CDH10: variants seen among roughly 807,000 people sequenced by gnomAD.
The protein encoded by CDH10 is cadherin-10.
CDH10 carries 30 observed loss-of-function variants against 73.1 expected under a neutral mutation model. That is an observed-to-expected ratio of 0.41 (90% CI 0.31 to 0.56). The LOEUF (loss-of-function observed/expected upper bound fraction) is 0.56. CDH10 is among the 20% of genes least tolerant of loss of function. CDH10 has a pLI of 0.27. For synonymous variants in CDH10, 345 were observed against 348.2 expected (o/e 0.99, Z 0.10); for missense variants, 815 against 973.7 (o/e 0.84, Z 2.17).
At chr5:24,643,296 T>A (rs1748116531) in intron 1 of CDH10, among the ~76,000 whole-genome samples, 1 of 152,114 alleles carries the variant, frequency 6.6e-6, no homozygotes, top group Non-Finnish European at 1.5e-5. Context: ...GCTCTGTCAA[T>A]GACATAATGT....
chr5:24,552,525 C>T (rs1744583814), intron 2 of CDH10, among the ~76,000 whole-genome samples: 1 of 151,838 alleles, frequency 6.6e-6, no homozygotes, highest in Non-Finnish European at 1.5e-5. Flanking sequence ...TATTGCTAAT[C>T]TTCTTTTTCT....
chr5:24,602,207 A>T (rs984728705), intron 1 of CDH10, among the ~76,000 whole-genome samples: 3 of 152,166 alleles, frequency 2.0e-5, no homozygotes, highest in African/African-American at 7.2e-5. Flanking sequence ...AAGCTTTCAG[A>T]CATTACAAGA....
At chr5:24,492,603 A>G (rs949560883) in intron 10 of CDH10, among the ~76,000 whole-genome samples, 2 of 152,194 alleles carry the variant, frequency 1.3e-5, no homozygotes, top group African/African-American at 4.8e-5. Flanking sequence ...TAACATCCAT[A>G]AAGAGACCTC....
intron 1 of CDH10, among the ~76,000 whole-genome samples, chr5:24,622,895 A>C (rs1747364429): frequency 6.6e-6 from 1 of 152,198 alleles, no homozygotes; most frequent in Admixed American, 6.5e-5. Context: ...GTTAGAAATT[A>C]TTTAATTTAA....
At chr5:24,616,343 T>C (rs773877017) in intron 1 of CDH10, among the ~76,000 whole-genome samples, 7 of 152,170 alleles carry the variant, frequency 4.6e-5, no homozygotes, top group Non-Finnish European at 8.8e-5. Context: ...ATTTGGATTA[T>C]GGTTAACACT....
chr5:24,607,008 C>A (rs192959519), intron 1 of CDH10, among the ~76,000 whole-genome samples: 90 of 152,256 alleles, frequency 5.9e-4, no homozygotes, highest in African/African-American at 2.1e-3. Context: ...ACACCTAACA[C>A]CATGTCAAAT....
intron 1 of CDH10, 144 bp downstream of exon 1, chr5:24,644,446 TTAAG>T (rs1748150304): frequency 6.6e-6 from 1 of 152,128 alleles, no homozygotes; most frequent in Non-Finnish European, 1.5e-5. Context: ...GTATGCTTAT[TTAAG>T]TATTAAAGAT....
intron 2 of CDH10, among the ~76,000 whole-genome samples, chr5:24,543,355 T>C (rs940672316): frequency 1.3e-5 from 2 of 152,178 alleles, no homozygotes; most frequent in African/African-American, 4.8e-5. Flanking sequence ...TTTGTAATAG[T>C]TAGACTAGTT....
intron 1 of CDH10, among the ~76,000 whole-genome samples, chr5:24,594,989 C>T (rs750560591): frequency 2.6e-5 from 4 of 151,782 alleles, no homozygotes; most frequent in Non-Finnish European, 4.4e-5. Context: ...ATTTGACTAC[C>T]ATTACCTGCT....
chr5:24,516,485 C>A (rs1264651626), intron 5 of CDH10, among the ~76,000 whole-genome samples: 4 of 150,976 alleles, frequency 2.6e-5, no homozygotes, highest in African/African-American at 9.7e-5. Context: ...AATTTTTTTT[C>A]ATTCAGTTCC....
chr5:24,613,523 A>G (rs77448529), intron 1 of CDH10, among the ~76,000 whole-genome samples: 2 of 2,072 alleles, frequency 9.7e-4, no homozygotes, highest in Non-Finnish European at 5.1e-3. Flanking sequence ...CTTTGCTGGG[A>G]AAAAAAAAAA....
Position 24,611,064 on chromosome 5 carries a change from A to G in CDH10, c.-123-17451T>C, listed in dbSNP as rs115749661. Among the ~76,000 whole-genome samples the G allele has an allele frequency of 7.1e-3, 1,079 of 152,324 alleles. 12 individuals carry two copies. The highest frequency in any genetic ancestry group is 0.025 in the African/African-American group (1,037 of 41,574). ...CTTATATTATTTGTTGCTCCAGGAA[A>G]GGACTATTTATTCCTTACCTTTTTA... On this transcript the variant is annotated intron_variant, in intron 1 of 11. Coordinates refer to ENST00000264463, the MANE Select transcript of CDH10 (RefSeq NM_006727.5).
chr5:24,644,546 T>C (rs1339116307), intron 1 of CDH10, 48 bp downstream of exon 1: 5 of 149,114 alleles, frequency 3.4e-5, no homozygotes, highest in African/African-American at 7.4e-5. Context: ...AGTGGAGGAA[T>C]ATATAATACC....
At chr5:24,528,980 T>A (rs1271840240) in intron 5 of CDH10, among the ~76,000 whole-genome samples, 1 of 151,898 alleles carries the variant, frequency 6.6e-6, no homozygotes, top group Non-Finnish European at 1.5e-5. Context: ...GTAATCGCAG[T>A]TTTTGCTATT....
intron 6 of CDH10, among the ~76,000 whole-genome samples, chr5:24,510,891 T>C (rs942439520): frequency 6.6e-6 from 1 of 152,236 alleles, no homozygotes; most frequent in Non-Finnish European, 1.5e-5. Flanking sequence ...TAAATTATGT[T>C]CCAATCCATG....
intron 5 of CDH10, among the ~76,000 whole-genome samples, chr5:24,532,841 A>G (rs1414650070): frequency 2.0e-5 from 3 of 152,016 alleles, no homozygotes; most frequent in Non-Finnish European, 2.9e-5. Flanking sequence ...AATGGTGTCT[A>G]TAGATTAGTT....
At chr5:24,574,059 G>A (rs1017243886) in intron 2 of CDH10, among the ~76,000 whole-genome samples, 1 of 151,194 alleles carries the variant, frequency 6.6e-6, no homozygotes, top group African/African-American at 2.4e-5. Context: ...TAATTTTTTC[G>A]TATTTTTAGT....
At chr5:24,518,215 G>C (rs1743180317) in intron 5 of CDH10, among the ~76,000 whole-genome samples, 1 of 152,076 alleles carries the variant, frequency 6.6e-6, no homozygotes, top group South Asian at 2.1e-4. Context: ...GCAAAAGTGA[G>C]GCACGTTAAT....
At chr5:24,634,196 A>G (rs1213446938) in intron 1 of CDH10, among the ~76,000 whole-genome samples, 1 of 151,876 alleles carries the variant, frequency 6.6e-6, no homozygotes, top group Admixed American at 6.6e-5. Flanking sequence ...TTATTCAATA[A>G]CCATTTCTTG....
Sources: gnomAD v4.1 joint callset for allele counts (sites outside exome capture counted in the v4.1 genomes callset) on GRCh38, gnomAD v4.1.1 for gene constraint, MANE v1.5 for transcripts, NCBI Gene and HGNC (gene_info 2026-07-23, HGNC 2026-07-21) for gene names.